Variants in ZNF804A observed in about 807,000 individuals in gnomAD.
ZNF804A encodes the protein zinc finger protein 804A.
In ZNF804A, 2 loss-of-function variants were observed where a neutral mutation model predicts 16.5. That is an observed-to-expected ratio of 0.12 (90% CI 0.05 to 0.38). The LOEUF (loss-of-function observed/expected upper bound fraction) is 0.38, where lower values mean the gene tolerates loss of function less well. Among genes scored for constraint, ZNF804A ranks in the 10% least tolerant of loss-of-function variants. ZNF804A has a pLI of 0.99. For missense variants in ZNF804A, 1,473 were observed against 1,390.7 expected (o/e 1.06, Z -0.94); for synonymous variants, 534 against 489.6 (o/e 1.09, Z -1.20).
At position 184,933,694 on chromosome 2, in the gene ZNF804A, G is replaced by A. The variant is rs1433125332; in HGVS notation, c.347G>A (p.Arg116His). 10 of 1,608,362 alleles carry A rather than the reference G, an allele frequency of 6.2e-6. No homozygotes were observed. The highest frequency in any genetic ancestry group is 1.7e-5 in the Admixed American group (1 of 58,662). The change falls in exon 3 of 4, where the codon CGC (arginine) becomes CAC (histidine). Residue 116 changes from arginine to histidine, a missense_variant. Transcript: ENST00000302277. ...AGAAAACAGGAAAAGGCACTCCAAC[G>A]CCTGCACAAGCTGGCTGAGCTAAGA... ...DERKQEKALQ[R>H]LHKLAELRKE...
At chr2:184,704,798 C>T (rs960408529) in intron 1 of ZNF804A, among the ~76,000 whole-genome samples, 1 of 152,136 alleles carries the variant, frequency 6.6e-6, no homozygotes, top group Non-Finnish European at 1.5e-5. Context: ...TGCATTGACA[C>T]TGGGAAGGAT....
intron 1 of ZNF804A, among the ~76,000 whole-genome samples, chr2:184,628,368 G>T (rs1178736866): frequency 2.0e-5 from 3 of 151,814 alleles, no homozygotes; most frequent in African/African-American, 7.3e-5. Flanking sequence ...AGGCTGATCT[G>T]GTAATATTAA....
At chr2:184,715,920 A>T (rs1236696304) in intron 1 of ZNF804A, among the ~76,000 whole-genome samples, 1 of 152,148 alleles carries the variant, frequency 6.6e-6, no homozygotes, top group Non-Finnish European at 1.5e-5. Context: ...TTCAACTAAT[A>T]CATTTTTAAT....
chr2:184,632,727 A>G (rs1377672035), intron 1 of ZNF804A, among the ~76,000 whole-genome samples: 1 of 152,198 alleles, frequency 6.6e-6, no homozygotes, highest in Non-Finnish European at 1.5e-5. Context: ...TGGCTTAACT[A>G]TCTTATATTC....
At chr2:184,614,929 C>G (rs1438998054) in intron 1 of ZNF804A, among the ~76,000 whole-genome samples, 2 of 152,176 alleles carry the variant, frequency 1.3e-5, no homozygotes, top group Non-Finnish European at 2.9e-5. Flanking sequence ...AACTTTTACA[C>G]TGTTGGTGGG....
chr2:184,790,029 A>G (rs1694509004), intron 1 of ZNF804A, among the ~76,000 whole-genome samples: 1 of 151,684 alleles, frequency 6.6e-6, no homozygotes, highest in Non-Finnish European at 1.5e-5. Flanking sequence ...TTATATCTCT[A>G]TTTTCATTCT....
intron 1 of ZNF804A, among the ~76,000 whole-genome samples, chr2:184,646,876 C>G (rs1370379555): frequency 2.0e-5 from 3 of 152,208 alleles, no homozygotes; most frequent in Non-Finnish European, 2.9e-5. Flanking sequence ...GCAGATTTGC[C>G]TGATCCAGCT....
In ZNF804A at chr2:184,854,530, A is replaced by C. The variant is rs563469396; in HGVS notation, c.112-11839A>C. 2.0e-5 allele frequency among the ~76,000 whole-genome samples: 3 copies of C among 152,096 alleles called. No homozygotes were observed. The South Asian group carries it at 6.2e-4, about 32-fold the overall frequency. On this transcript the variant is annotated intron_variant, in intron 1 of 3. Coordinates refer to ENST00000302277, the MANE Select transcript of ZNF804A (RefSeq NM_194250.2). Reference sequence around the variant, plus strand: ...TGTAAAAATATTGCTGAAAATGTCAAAAGGACCTACAGATTTTTCTATAGT... The same window carrying C: ...TGTAAAAATATTGCTGAAAATGTCACAAGGACCTACAGATTTTTCTATAGT...
intron 1 of ZNF804A, among the ~76,000 whole-genome samples, chr2:184,842,713 T>A (rs1349654047): frequency 2.0e-5 from 3 of 152,054 alleles, no homozygotes; most frequent in African/African-American, 7.2e-5. Flanking sequence ...AAATTAGATT[T>A]GAGTGAGGCT....
chr2:184,834,133 A>C (rs1367064973), intron 1 of ZNF804A, among the ~76,000 whole-genome samples: 1 of 152,092 alleles, frequency 6.6e-6, no homozygotes, highest in African/African-American at 2.4e-5. Context: ...TATTATAAAA[A>C]TACTTTTTAT....
intron 1 of ZNF804A, among the ~76,000 whole-genome samples, chr2:184,764,924 G>A (rs4618009): frequency 0.091 from 13,748 of 151,832 alleles, 2,073 homozygotes; most frequent in African/African-American, 0.31. Context: ...TAAAGTTACT[G>A]GAATAAATGA....
chr2:184,877,740 G>A (rs1684730870), intron 2 of ZNF804A, among the ~76,000 whole-genome samples: 1 of 151,990 alleles, frequency 6.6e-6, no homozygotes, highest in South Asian at 2.1e-4. Context: ...TGAGGCCAAG[G>A]TTGGAAAAGA....
chr2:184,916,258 C>G (rs534078542), intron 2 of ZNF804A, among the ~76,000 whole-genome samples: 7 of 152,110 alleles, frequency 4.6e-5, no homozygotes, highest in African/African-American at 1.4e-4. Flanking sequence ...GAAATTATAA[C>G]CAAAAATTTT....
chr2:184,897,346 T>C (rs950198375), intron 2 of ZNF804A, among the ~76,000 whole-genome samples: 3 of 152,074 alleles, frequency 2.0e-5, no homozygotes, highest in Admixed American at 6.6e-5. Flanking sequence ...ACAGCAATTT[T>C]TTCCCCTTTC....
chr2:184,720,781 A>G (rs192800986), intron 1 of ZNF804A, among the ~76,000 whole-genome samples: 4 of 152,304 alleles, frequency 2.6e-5, no homozygotes. Context: ...ATGGTATCAA[A>G]AAGACCTCAA....
intron 2 of ZNF804A, among the ~76,000 whole-genome samples, chr2:184,878,594 G>A (rs1446997666): frequency 6.6e-6 from 1 of 152,012 alleles, no homozygotes; most frequent in African/African-American, 2.4e-5. Flanking sequence ...AAGATACTTA[G>A]CAGTTATCTC....
intron 1 of ZNF804A, among the ~76,000 whole-genome samples, chr2:184,704,470 A>T (rs183736911): frequency 3.9e-5 from 6 of 152,328 alleles, no homozygotes; most frequent in Admixed American, 3.9e-4. Flanking sequence ...AATTTCCAAC[A>T]GAGAAATAGG....
At chr2:184,858,912 C>T (rs1695747774) in intron 1 of ZNF804A, among the ~76,000 whole-genome samples, 3 of 152,174 alleles carry the variant, frequency 2.0e-5, no homozygotes, top group Non-Finnish European at 4.4e-5. Flanking sequence ...ATTTCTAAAA[C>T]ACAGATTTGC....
At chr2:184,804,012 G>A (rs147728272) in intron 1 of ZNF804A, among the ~76,000 whole-genome samples, 65 of 152,042 alleles carry the variant, frequency 4.3e-4, no homozygotes, top group African/African-American at 1.4e-3. Context: ...AGAGGTGTGC[G>A]CCAACATGCC....
Sources: allele counts gnomAD v4.1 joint callset (sites outside exome capture counted in the v4.1 genomes callset), GRCh38; gene constraint gnomAD v4.1.1; transcripts MANE v1.5; gene names NCBI Gene and HGNC (gene_info 2026-07-23, HGNC 2026-07-21).